Variants in SLIT2 observed in about 807,000 individuals in gnomAD.
SLIT2 encodes the protein slit homolog 2 protein.
Under a neutral mutation model 185.7 loss-of-function variants are expected in SLIT2, and 41 were observed. That is an observed-to-expected ratio of 0.22 (90% CI 0.17 to 0.29). The LOEUF (loss-of-function observed/expected upper bound fraction) is 0.29. SLIT2 is among the 10% of genes least tolerant of loss of function. The probability of loss-of-function intolerance (pLI) is 1.00; values close to 1 mark genes in which losing one functional copy is unlikely to be tolerated. For synonymous variants in SLIT2, 693 were observed against 680.2 expected, an observed-to-expected ratio of 1.02 and a Z score of -0.29; for missense variants, 1,571 against 1,909.0, an observed-to-expected ratio of 0.82 and a Z score of 3.30.
intron 4 of SLIT2, among the ~76,000 whole-genome samples, chr4:20,342,993 C>T (rs1343242128): frequency 6.6e-6 from 1 of 151,060 alleles, no homozygotes. Context: ...TGAGATACAT[C>T]TGAAATTTTG....
intron 4 of SLIT2, among the ~76,000 whole-genome samples, chr4:20,271,417 T>C (rs934797403): frequency 1.6e-4 from 24 of 146,846 alleles, no homozygotes; most frequent in Non-Finnish European, 3.4e-4. Context: ...TTATTATACA[T>C]AGTATATATT....
chr4:20,375,409 C>A (rs1373697629), intron 4 of SLIT2, among the ~76,000 whole-genome samples: 1 of 151,882 alleles, frequency 6.6e-6, no homozygotes, highest in Non-Finnish European at 1.5e-5. Flanking sequence ...CTATTATTTT[C>A]TTTTTTCTGG....
At chr4:20,526,273 A>G (rs1721283152) in intron 15 of SLIT2, among the ~76,000 whole-genome samples, 1 of 152,150 alleles carries the variant, frequency 6.6e-6, no homozygotes, top group Non-Finnish European at 1.5e-5. Context: ...ATTTGGTGAT[A>G]TGACTTATTT....
chr4:20,371,706 C>A (rs562948634), intron 4 of SLIT2, among the ~76,000 whole-genome samples: 1 of 152,154 alleles, frequency 6.6e-6, no homozygotes, highest in South Asian at 2.1e-4. Context: ...TCACTGATAA[C>A]CACCATTATA....
chr4:20,614,343 G>A (rs1729470375), intron 34 of SLIT2, among the ~76,000 whole-genome samples: 1 of 152,086 alleles, frequency 6.6e-6, no homozygotes, highest in African/African-American at 2.4e-5. Flanking sequence ...TTGATACTTG[G>A]TCTCTTTATT....
intron 17 of SLIT2, 111 bp downstream of exon 17, chr4:20,532,169 T>C (rs1721871433): frequency 6.4e-6 from 4 of 627,190 alleles, no homozygotes; most frequent in Non-Finnish European, 8.2e-6. Flanking sequence ...GAAATTTCCC[T>C]ATGATGATGA....
chr4:20,308,721 G>A (rs1717805689), intron 4 of SLIT2, among the ~76,000 whole-genome samples: 3 of 151,826 alleles, frequency 2.0e-5, no homozygotes, highest in Non-Finnish European at 4.4e-5. Flanking sequence ...GTACATATGG[G>A]TATACTTATA....
intron 29 of SLIT2, among the ~76,000 whole-genome samples, chr4:20,573,040 G>A (rs1400490060): frequency 2.0e-5 from 3 of 152,122 alleles, no homozygotes; most frequent in Non-Finnish European, 2.9e-5. Flanking sequence ...CCCTGTGATG[G>A]CATTTACCTT....
At chr4:20,408,409 G>A (rs1365178756) in intron 4 of SLIT2, among the ~76,000 whole-genome samples, 1 of 152,012 alleles carries the variant, frequency 6.6e-6, no homozygotes, top group Non-Finnish European at 1.5e-5. Flanking sequence ...TTGAACCCTA[G>A]GATTTTGCAC....
At chr4:20,291,378 G>A (rs1227309113) in intron 4 of SLIT2, among the ~76,000 whole-genome samples, 2 of 145,340 alleles carry the variant, frequency 1.4e-5, no homozygotes, top group African/African-American at 5.1e-5. Context: ...TGGCTGAGGA[G>A]GAGGAGAATG....
At chr4:20,508,944 C>A (rs1252378499) in intron 9 of SLIT2, among the ~76,000 whole-genome samples, 1 of 151,762 alleles carries the variant, frequency 6.6e-6, no homozygotes, top group East Asian at 1.9e-4. Flanking sequence ...CAGAAAAGAC[C>A]AAAATTTTGG....
intron 5 of SLIT2, among the ~76,000 whole-genome samples, chr4:20,472,639 G>T (rs1210091072): frequency 1.0e-5 from 1 of 96,680 alleles, no homozygotes; most frequent in Non-Finnish European, 2.2e-5. Flanking sequence ...TATATATATC[G>T]ATATATATAT....
intron 4 of SLIT2, among the ~76,000 whole-genome samples, chr4:20,463,513 A>ATG (rs202173983): frequency 0.014 from 1,345 of 99,532 alleles, 26 homozygotes; most frequent in East Asian, 0.05. Context: ...GTATATCCAT[A>ATG]TATGTGTGTG....
rs531068095 is a variant in SLIT2, at chr4:20,270,079, TGAA to T, written c.395+1202_395+1204del. 3.7e-4 allele frequency among the ~76,000 whole-genome samples: 57 copies of T among 152,054 alleles called. 2 individuals are homozygous for T. Among genetic ancestry groups the T allele is most frequent in the Middle Eastern group, 6.8e-3 (2 of 294 alleles). ...ATTTAAGTAAATTTTAAAAATAAAA[TGAA>T]GAAACCTTGGAATTGCATTTTTAAC... On this transcript the variant is annotated intron_variant, in intron 4 of 36. Coordinates refer to ENST00000504154, the MANE Select transcript of SLIT2 (RefSeq NM_004787.4).
chr4:20,416,598 C>T (rs942213763), intron 4 of SLIT2, among the ~76,000 whole-genome samples: 2 of 151,978 alleles, frequency 1.3e-5, no homozygotes, highest in African/African-American at 2.4e-5. Flanking sequence ...ATCGTATCAA[C>T]TCCTGCCCTT....
At chr4:20,329,553 G>A (rs955697430) in intron 4 of SLIT2, among the ~76,000 whole-genome samples, 1 of 152,012 alleles carries the variant, frequency 6.6e-6, no homozygotes, top group Non-Finnish European at 1.5e-5. Context: ...ATTGACAGAT[G>A]ATGTTGGAAG....
At chr4:20,318,054 G>A (rs929717886) in intron 4 of SLIT2, among the ~76,000 whole-genome samples, 1 of 152,120 alleles carries the variant, frequency 6.6e-6, no homozygotes, top group African/African-American at 2.4e-5. Flanking sequence ...TGGATGAAAA[G>A]CATGTAGTGC....
intron 1 of SLIT2, among the ~76,000 whole-genome samples, chr4:20,255,772 C>T (rs1711754368): frequency 6.6e-6 from 1 of 152,084 alleles, no homozygotes; most frequent in Non-Finnish European, 1.5e-5. Context: ...AAATAGTTTA[C>T]TGGGTGCTGA....
At chr4:20,605,567 T>A (rs1206505477) in intron 33 of SLIT2, among the ~76,000 whole-genome samples, 1 of 152,070 alleles carries the variant, frequency 6.6e-6, no homozygotes, top group Non-Finnish European at 1.5e-5. Context: ...TCAATACTTA[T>A]CAGAACCCAA....
Sources: allele counts gnomAD v4.1 joint callset (sites outside exome capture counted in the v4.1 genomes callset), GRCh38; gene constraint gnomAD v4.1.1; transcripts MANE v1.5; gene names NCBI Gene and HGNC (gene_info 2026-07-23, HGNC 2026-07-21).